Variants in NCK1 observed in about 807,000 individuals in gnomAD.
NCK1 encodes the protein SH2/SH3 adapter protein NCK1.
Under a neutral mutation model 36.6 loss-of-function variants are expected in NCK1, and 19 were observed. The ratio of observed to expected loss-of-function variants is 0.52; its 90% CI spans 0.36 to 0.76. NCK1 has a LOEUF of 0.76. NCK1 is among the 30% of genes least tolerant of loss of function. The pLI is 0.00. For synonymous variants in NCK1, 165 were observed against 156.0 expected (o/e 1.06, Z -0.43); for missense variants, 358 against 445.6 (o/e 0.80, Z 1.77).
In NCK1 at chr3:136,891,183, G is replaced by C. The variant is rs150035376; in HGVS notation, c.-19+28830G>C. On this transcript the variant is annotated intron_variant, in intron 1 of 3. Coordinates refer to ENST00000481752, the MANE Select transcript of NCK1 (RefSeq NM_001291999.2). ...AGTTTTGCTCTTGTTGCCCAGGCTG[G>C]AGTGCAGTGGCACGATCTCGGCTCA... is the stretch of plus-strand genomic sequence containing the variant. Among the ~76,000 whole-genome samples, 56 of 152,340 alleles carry C rather than the reference G, an allele frequency of 3.7e-4. 1 individual carries two copies. The East Asian group carries it at 0.01, about 28-fold the overall frequency.
intron 1 of NCK1, among the ~76,000 whole-genome samples, chr3:136,920,162 C>T (rs922837740): frequency 6.6e-6 from 1 of 152,084 alleles, no homozygotes; most frequent in Non-Finnish European, 1.5e-5. Flanking sequence ...AATGAAACAA[C>T]TAATGAAACA....
At chr3:136,893,147 A>AGTGTGT (rs142883729) in intron 1 of NCK1, among the ~76,000 whole-genome samples, 5,906 of 41,024 alleles carry the variant, frequency 0.14, 1,102 homozygotes, top group Non-Finnish European at 0.15. Context: ...AATATTCCAT[A>AGTGTGT]GTGTGTGTGT....
intron 2 of NCK1, chr3:136,930,568 G>A (rs1341816915): frequency 1.3e-6 from 2 of 1,482,938 alleles, no homozygotes; most frequent in Non-Finnish European, 1.8e-6. Flanking sequence ...AAAATGGATT[G>A]GTTAAACGTC....
rs1940891367 is a variant in NCK1, at chr3:136,948,617, C to G, written c.*164C>G. The G allele has an allele frequency of 8.6e-6, 5 of 582,976 alleles. No homozygotes were observed. Among genetic ancestry groups the G allele is most frequent in the Non-Finnish European group, 1.5e-5 (5 of 332,088 alleles). 36.1% of individuals were successfully genotyped at this position (582,976 alleles called of 1,614,324 possible). ...TTATAACTCAGCCCATACATATATA[C>G]TATGTATGCAGTGCATCTGCATAGA... is the stretch of plus-strand genomic sequence containing the variant. On this transcript the variant is annotated 3_prime_UTR_variant, in exon 4 of 4. Coordinates refer to ENST00000481752, the MANE Select transcript of NCK1 (RefSeq NM_001291999.2).
At chr3:136,889,589 C>A (rs879291591) in intron 1 of NCK1, among the ~76,000 whole-genome samples, 3 of 152,192 alleles carry the variant, frequency 2.0e-5, no homozygotes, top group African/African-American at 7.2e-5. Context: ...ATTCTCTTAT[C>A]TGGCCCCACC....
intron 1 of NCK1, among the ~76,000 whole-genome samples, chr3:136,876,061 C>T (rs887431954): frequency 2.0e-5 from 3 of 151,526 alleles, no homozygotes; most frequent in African/African-American, 7.3e-5. Flanking sequence ...CTACTGGGTA[C>T]ATAACGAAAT....
Position 136,890,676 on chromosome 3 carries a change from C to T in NCK1, c.-19+28323C>T, listed in dbSNP as rs186022180. Among the ~76,000 whole-genome samples the T allele has an allele frequency of 6.6e-5, 10 of 152,270 alleles. No homozygotes were observed. The South Asian group carries it at 1.7e-3, about 25-fold the overall frequency. Reference sequence around the variant, plus strand: ...AGTTTTTTCTCCCTTATGCCTATTACGAGTAATATGGCTACTGGCATTCAT... The same window carrying T: ...AGTTTTTTCTCCCTTATGCCTATTATGAGTAATATGGCTACTGGCATTCAT... On this transcript the variant is annotated intron_variant, in intron 1 of 3. Transcript: ENST00000481752.
intron 1 of NCK1, among the ~76,000 whole-genome samples, chr3:136,869,292 A>C (rs1040650355): frequency 6.6e-6 from 1 of 152,076 alleles, no homozygotes; most frequent in Non-Finnish European, 1.5e-5. Flanking sequence ...CACTCCTGTA[A>C]TCCCAGCGCT....
chr3:136,929,729 T>C (rs914708607), intron 2 of NCK1, among the ~76,000 whole-genome samples: 8 of 152,154 alleles, frequency 5.3e-5, no homozygotes, highest in Admixed American at 3.9e-4. Flanking sequence ...TTTGTTCCAT[T>C]TTAAGAGGAC....
intron 2 of NCK1, among the ~76,000 whole-genome samples, chr3:136,940,840 G>C (rs890574885): frequency 6.6e-6 from 1 of 151,928 alleles, no homozygotes; most frequent in Admixed American, 6.6e-5. Context: ...ACACCGCGCC[G>C]GGCCTATGCT....
chr3:136,948,129 C>T, intron 3 of NCK1, 130 bp from the exon 4 acceptor site: 1 of 614,116 alleles, frequency 1.6e-6, no homozygotes, highest in East Asian at 3.0e-5. Context: ...AGGAGATAAT[C>T]TATGTAAATA....
intron 1 of NCK1, among the ~76,000 whole-genome samples, chr3:136,895,439 T>A (rs1360265069): frequency 6.6e-6 from 1 of 151,930 alleles, no homozygotes; most frequent in Non-Finnish European, 1.5e-5. Context: ...TTTTAAAAAA[T>A]TGCCATACCA....
In NCK1 at chr3:136,944,111, C is replaced by CTTTT. The variant is rs1560055771; in HGVS notation, c.227-1472_227-1471insTTTT. Among the ~76,000 whole-genome samples, 47 of 80,918 alleles carry CTTTT rather than the reference C, an allele frequency of 5.8e-4. 4 individuals are homozygous for CTTTT. Among genetic ancestry groups the CTTTT allele is most frequent in the African/African-American group, 2.5e-3 (43 of 17,450 alleles). The allele number at this position is 80,918 out of a possible 152,430, so 53.1% of individuals were successfully genotyped here. ...AAAGTCGAGGGAAAAGGAAAAACAA[C>CTTTT]CTTTTTTTTTTTTTTTTTTTTTTTT... On this transcript the variant is annotated intron_variant, in intron 2 of 3. Coordinates refer to ENST00000481752, the MANE Select transcript of NCK1 (RefSeq NM_001291999.2).
chr3:136,874,772 ATTCC>A (rs1938719983), intron 1 of NCK1, among the ~76,000 whole-genome samples: 1 of 150,472 alleles, frequency 6.6e-6, no homozygotes, highest in African/African-American at 2.4e-5. Flanking sequence ...CATACAATAG[ATTCC>A]TGTGGAAGAC....
At chr3:136,923,047 G>A (rs1940150885) in intron 1 of NCK1, among the ~76,000 whole-genome samples, 1 of 152,070 alleles carries the variant, frequency 6.6e-6, no homozygotes, top group Non-Finnish European at 1.5e-5. Context: ...TGATCTTAAG[G>A]ATAGATTGTT....
intron 1 of NCK1, among the ~76,000 whole-genome samples, chr3:136,919,827 A>G (rs1940060562): frequency 6.6e-6 from 1 of 152,146 alleles, no homozygotes; most frequent in Non-Finnish European, 1.5e-5. Context: ...AATGTAAGGA[A>G]CCAGCTAGCA....
chr3:136,898,351 C>G (rs540587592), intron 1 of NCK1, among the ~76,000 whole-genome samples: 6 of 142,166 alleles, frequency 4.2e-5, no homozygotes, highest in Non-Finnish European at 9.0e-5. Flanking sequence ...GAGCTGAGAT[C>G]GTGCCAGCCT....
chr3:136,927,698 T>G (rs925830484), intron 1 of NCK1, among the ~76,000 whole-genome samples: 1 of 152,180 alleles, frequency 6.6e-6, no homozygotes, highest in Non-Finnish European at 1.5e-5. Flanking sequence ...ATTTTTGTAT[T>G]TTAGTACAGA....
At chr3:136,941,722 A>C (rs1940682384) in intron 2 of NCK1, among the ~76,000 whole-genome samples, 2 of 151,760 alleles carry the variant, frequency 1.3e-5, no homozygotes, top group African/African-American at 2.4e-5. Flanking sequence ...ACAAAAAAAA[A>C]CTGCAATACT....
Sources: allele counts gnomAD v4.1 joint callset (sites outside exome capture counted in the v4.1 genomes callset), GRCh38; gene constraint gnomAD v4.1.1; transcripts MANE v1.5; gene names NCBI Gene and HGNC (gene_info 2026-07-23, HGNC 2026-07-21).